DGKB: variants seen among roughly 807,000 people sequenced by gnomAD.
The protein encoded by DGKB is 90 kDa diacylglycerol kinase.
DGKB carries 67 observed loss-of-function variants against 114.3 expected under a neutral mutation model. The ratio of observed to expected loss-of-function variants is 0.59; its 90% confidence interval spans 0.48 to 0.72. DGKB has a LOEUF of 0.72. Among genes scored for constraint, DGKB ranks in the 30% least tolerant of loss-of-function variants. The pLI, the probability that DGKB is intolerant of heterozygous loss-of-function variation, is 0.00. For missense variants in DGKB, 907 were observed against 975.2 expected, an observed-to-expected ratio of 0.93 and a Z score of 0.93; for synonymous variants, 398 against 323.1, an observed-to-expected ratio of 1.23 and a Z score of -2.49.
rs185295221 is a variant in DGKB at position 14,679,588 on chromosome 7, C to T, written c.1035+2965G>A. Among the ~76,000 whole-genome samples, 23 of 152,114 alleles carry T rather than the reference C, an allele frequency of 1.5e-4. 1 individual carries two copies. In the East Asian group the frequency reaches 3.5e-3, roughly 23 times the overall value. Reference sequence around the variant, plus strand: ...GTTTCTCTCTACAATATATTCTTCACGGAACCCGAATTTCAGATAGGCCTT... The same window carrying T: ...GTTTCTCTCTACAATATATTCTTCATGGAACCCGAATTTCAGATAGGCCTT... On this transcript the variant is annotated intron_variant, in intron 12 of 25. Transcript: ENST00000402815.
chr7:14,295,610 A>G (rs1802409750), intron 23 of DGKB, among the ~76,000 whole-genome samples: 1 of 151,748 alleles, frequency 6.6e-6, no homozygotes. Context: ...TTTATTTTCA[A>G]TACAACTATC....
intron 1 of DGKB, among the ~76,000 whole-genome samples, chr7:14,932,456 T>G (rs577549003): frequency 6.6e-6 from 1 of 152,364 alleles, no homozygotes; most frequent in African/African-American, 2.4e-5. Context: ...TGTTTATCTT[T>G]ACCTAAACTA....
intron 5 of DGKB, among the ~76,000 whole-genome samples, chr7:14,734,464 G>C (rs1372342643): frequency 6.6e-6 from 1 of 152,008 alleles, no homozygotes; most frequent in Non-Finnish European, 1.5e-5. Flanking sequence ...TTTCATAACG[G>C]TATTAAGATA....
chr7:14,538,529 T>C (rs766639864), intron 20 of DGKB, among the ~76,000 whole-genome samples: 17 of 152,252 alleles, frequency 1.1e-4, no homozygotes, highest in Middle Eastern at 3.4e-3. Flanking sequence ...CTTGTATACT[T>C]TTGGTAAGAA....
intron 2 of DGKB, among the ~76,000 whole-genome samples, chr7:14,805,467 G>A (rs1428460522): frequency 6.6e-6 from 1 of 151,960 alleles, no homozygotes; most frequent in African/African-American, 2.4e-5. Flanking sequence ...ATAGTACCTG[G>A]ATCTGACCTT....
At chr7:14,852,487 C>CAAAAACAAACAAACAAACA (rs1554304205) in intron 1 of DGKB, among the ~76,000 whole-genome samples, 1 of 63,636 alleles carries the variant, frequency 1.6e-5, no homozygotes, top group African/African-American at 6.7e-5. Flanking sequence ...TAGTGAAAGT[C>CAAAAACAAACAAACAAACA]AAAAAAAAAA....
At position 14,698,152 on chromosome 7, in the gene DGKB, G is replaced by A; in HGVS notation, c.534C>T (p.Ile178=). Residue 178 remains isoleucine, a synonymous_variant, in exon 8 of 26, where the codon ATC becomes ATT. Transcript: ENST00000402815. Reference sequence around the variant, plus strand: ...ATTCTGCAACATGCATCATCTGACTGATGATATTTTCTAGCTCCTGGAAGA... The same window carrying A: ...ATTCTGCAACATGCATCATCTGACTAATGATATTTTCTAGCTCCTGGAAGA... The part of the protein sequence containing the change: ...FLDSSELENI[I]SQMMHVAEYL... 2.6e-6 allele frequency: 4 copies of A among 1,529,570 alleles called. No homozygotes were observed. Among genetic ancestry groups the A allele is most frequent in the African/African-American group, 1.4e-5 (1 of 70,060 alleles). 94.7% of individuals were successfully genotyped at this position (1,529,570 alleles called of 1,614,324 possible). A position where few individuals can be genotyped will look rare whatever the true frequency, so the allele number is the denominator to read the frequency against.
chr7:14,942,555 T>C (rs999012030), intron 1 of DGKB, among the ~76,000 whole-genome samples: 2 of 152,082 alleles, frequency 1.3e-5, no homozygotes, highest in Non-Finnish European at 2.9e-5. Context: ...CTAACAGTGC[T>C]GAAGTAATTA....
At chr7:14,579,758 C>T (rs188083759) in intron 19 of DGKB, among the ~76,000 whole-genome samples, 8 of 151,938 alleles carry the variant, frequency 5.3e-5, no homozygotes, top group East Asian at 3.9e-4. Flanking sequence ...CCAACTTTGC[C>T]GTAAATCAGA....
chr7:14,871,435 T>C (rs976616481), intron 1 of DGKB, among the ~76,000 whole-genome samples: 3 of 152,140 alleles, frequency 2.0e-5, no homozygotes, highest in Non-Finnish European at 4.4e-5. Context: ...AATAGTCTAA[T>C]CACTTTGAAA....
At chr7:14,340,761 T>C (rs1232386823) in intron 22 of DGKB, among the ~76,000 whole-genome samples, 1 of 151,696 alleles carries the variant, frequency 6.6e-6, no homozygotes, top group Non-Finnish European at 1.5e-5. Context: ...AGGTCTGGCT[T>C]CCCCCAAACT....
At chr7:14,499,054 G>A (rs574738677) in intron 20 of DGKB, among the ~76,000 whole-genome samples, 4 of 151,672 alleles carry the variant, frequency 2.6e-5, no homozygotes, top group African/African-American at 9.7e-5. Context: ...GTAGAGAAAA[G>A]GTGTTTCTTA....
chr7:14,815,072 A>C lies in DGKB; in HGVS notation c.70+26122T>G, dbSNP rs576047019. On this transcript the variant is annotated intron_variant, in intron 2 of 25. Coordinates refer to ENST00000402815, the MANE Select transcript of DGKB (RefSeq NM_001350709.2). ...GAATTGTGAATGAATACAGAGGGGT[A>C]TAAACAGGAAATGGATTGATATAGA... The C allele has an allele frequency of 2.0e-5, 3 of 152,330 alleles. No homozygotes were observed. The South Asian group carries it at 6.2e-4, about 32-fold the overall frequency. The allele number at this position is 152,330 out of a possible 1,614,324, so 9.4% of individuals were successfully genotyped here.
At chr7:14,699,902 C>CAAA (rs776720127) in intron 7 of DGKB, among the ~76,000 whole-genome samples, 2 of 130,610 alleles carry the variant, frequency 1.5e-5, no homozygotes, top group Non-Finnish European at 3.3e-5. Context: ...TGGGCAGAGA[C>CAAA]AAAAAAAAAA....
At chr7:14,922,765 C>T (rs1455142586) in intron 1 of DGKB, among the ~76,000 whole-genome samples, 2 of 152,028 alleles carry the variant, frequency 1.3e-5, no homozygotes. Flanking sequence ...TTATGAGATA[C>T]AGTGTTATGT....
intron 20 of DGKB, among the ~76,000 whole-genome samples, chr7:14,507,977 T>A (rs1044083638): frequency 1.9e-4 from 29 of 152,318 alleles, no homozygotes; most frequent in African/African-American, 6.7e-4. Flanking sequence ...ATATTTTAAA[T>A]CTACTTTTGG....
intron 23 of DGKB, among the ~76,000 whole-genome samples, chr7:14,250,411 A>T (rs180889735): frequency 6.6e-6 from 1 of 152,028 alleles, no homozygotes; most frequent in Non-Finnish European, 1.5e-5. Context: ...CTTTTATCCA[A>T]TGGTTGTTCA....
intron 23 of DGKB, among the ~76,000 whole-genome samples, chr7:14,254,710 T>C (rs939617370): frequency 6.6e-6 from 1 of 152,192 alleles, no homozygotes; most frequent in South Asian, 2.1e-4. Context: ...TAAAAATCTT[T>C]CTTTCTGTGC....
chr7:14,348,597 T>A (rs1227547320), intron 21 of DGKB, among the ~76,000 whole-genome samples: 2 of 151,576 alleles, frequency 1.3e-5, no homozygotes, highest in South Asian at 4.2e-4. Flanking sequence ...TGACTAAAAT[T>A]AAAAAAAGTA....
Sources: gnomAD v4.1 joint callset for allele counts (sites outside exome capture counted in the v4.1 genomes callset) on GRCh38, gnomAD v4.1.1 for gene constraint, MANE v1.5 for transcripts, NCBI Gene and HGNC (gene_info 2026-07-23, HGNC 2026-07-21) for gene names.